The following C4orf50 variants were observed in gnomAD, a reference collection of about 807,000 sequenced individuals.
C4orf50 encodes the protein uncharacterized protein C4orf50.
C4orf50 carries 80 observed loss-of-function variants against 77.2 expected under a neutral mutation model. The observed-to-expected ratio is 1.04, with a 90% confidence interval of 0.87 to 1.25. The LOEUF (loss-of-function observed/expected upper bound fraction) is 1.25. C4orf50 is among the 50% of genes most tolerant of loss of function. C4orf50 has a pLI of 0.00. For missense variants in C4orf50, 1,257 were observed against 1,152.9 expected (o/e 1.09, Z -1.31); for synonymous variants, 532 against 465.3 (o/e 1.14, Z -1.84).
At chr4:5,975,505 GTTTT>G (rs1720223531) in intron 30 of C4orf50, among the ~76,000 whole-genome samples, 1 of 148,850 alleles carries the variant, frequency 6.7e-6, no homozygotes, top group Non-Finnish European at 1.5e-5. Context: ...TTTTTGTTTT[GTTTT>G]GTTTTGTTTT....
intron 7 of C4orf50, chr4:5,902,214 C>T (rs924756428): frequency 6.6e-6 from 1 of 152,208 alleles, no homozygotes. Context: ...GAAAACAGAT[C>T]TCTGCTGGGG....
chr4:5,968,774 C>T (rs1237095749), intron 31 of C4orf50, among the ~76,000 whole-genome samples: 1 of 152,168 alleles, frequency 6.6e-6, no homozygotes, highest in Admixed American at 6.5e-5. Flanking sequence ...GGTGTCTCCT[C>T]ATTAGACAGA....
intron 31 of C4orf50, among the ~76,000 whole-genome samples, chr4:5,973,111 C>G (rs1404215533): frequency 6.6e-6 from 1 of 152,194 alleles, no homozygotes; most frequent in African/African-American, 2.4e-5. Context: ...GGCTCTGGGC[C>G]CATCGGAGAT....
chr4:6,014,249 G>A (rs1031125476), intron 23 of C4orf50, among the ~76,000 whole-genome samples: 1 of 152,072 alleles, frequency 6.6e-6, no homozygotes, highest in East Asian at 1.9e-4. Context: ...TGATCAGCCC[G>A]CCTGGGCCTC....
chr4:5,922,429 G>A (rs767840464), intron 7 of C4orf50, among the ~76,000 whole-genome samples: 5 of 152,190 alleles, frequency 3.3e-5, no homozygotes, highest in Non-Finnish European at 5.9e-5. Flanking sequence ...TCACTGACTT[G>A]GTCCAATTTG....
Position 6,007,924 on chromosome 4 carries a change from G to T in C4orf50, c.963+72C>A. 5.0e-6 allele frequency: 2 copies of T among 399,166 alleles called. No individual in the cohort carries two copies. The highest frequency in any genetic ancestry group is 2.6e-4 in the South Asian group (2 of 7,604). The allele number at this position is 399,166 out of a possible 1,614,324, so 24.7% of individuals were successfully genotyped here. Reference sequence around the variant, plus strand: ...GAGCCCGGGGAATGGATGGGCCAATGACTTCACCAAGTGGCTGGAGGAGAA... The same window carrying T: ...GAGCCCGGGGAATGGATGGGCCAATTACTTCACCAAGTGGCTGGAGGAGAA... On this transcript the variant is annotated intron_variant, in intron 25 of 33. Coordinates refer to ENST00000531445, the Ensembl canonical transcript of C4orf50. This position sits in a 1 kb window ranked among gnomAD's most constrained non-coding sequence, Gnocchi z 4.1.
At chr4:5,993,194 G>T (rs942410368) in intron 26 of C4orf50, among the ~76,000 whole-genome samples, 2 of 152,092 alleles carry the variant, frequency 1.3e-5, no homozygotes, top group African/African-American at 4.8e-5. Flanking sequence ...CTCCTGCACG[G>T]GACAAAATCC....
At chr4:5,984,652 C>A (rs928722174) in intron 28 of C4orf50, among the ~76,000 whole-genome samples, 1 of 151,562 alleles carries the variant, frequency 6.6e-6, no homozygotes, top group Non-Finnish European at 1.5e-5. Context: ...AAAGAGAGGT[C>A]AATAGAAAAT....
intron 30 of C4orf50, 30 bp downstream of exon 8, chr4:5,975,869 C>T: frequency 6.7e-7 from 1 of 1,503,018 alleles, no homozygotes; most frequent in Non-Finnish European, 9.3e-7. Context: ...TTGAAAGAGG[C>T]ATTTCATGTT....
At chr4:5,914,116 A>G (rs982485658) in intron 7 of C4orf50, among the ~76,000 whole-genome samples, 33 of 152,144 alleles carry the variant, frequency 2.2e-4, no homozygotes, top group African/African-American at 8.0e-4. Context: ...ATTGACTATG[A>G]TTATGAATAT....
chr4:6,014,074 C>T (rs187871874), intron 23 of C4orf50, among the ~76,000 whole-genome samples: 12 of 151,130 alleles, frequency 7.9e-5, no homozygotes, highest in Admixed American at 7.9e-4. Context: ...GTGATCTCGG[C>T]TCACCACAAC....
chr4:5,959,645 T>C lies in C4orf50; in HGVS notation c.4276-19A>G. On this transcript the variant is annotated intron_variant, in intron 33 of 33. Transcript: ENST00000531445. ...GAGGGAGCTGCAGGCAAGAGGACAA[T>C]GAAATGGTCTCTGCGTCCACATGTT... The C allele has an allele frequency of 1.2e-6, 2 of 1,602,856 alleles. No individual in the cohort carries two copies. Among genetic ancestry groups the C allele is most frequent in the South Asian group, 1.1e-5 (1 of 90,188 alleles).
chr4:5,959,603 C>A, exon 34 of C4orf50: 3 of 1,613,958 alleles, frequency 1.9e-6, no homozygotes, highest in Non-Finnish European at 1.7e-6. Flanking sequence ...CAGGATCAAG[C>A]GTGGACACCA....
At chr4:5,928,756 C>T (rs913820542) in intron 7 of C4orf50, among the ~76,000 whole-genome samples, 1 of 152,226 alleles carries the variant, frequency 6.6e-6, no homozygotes, top group Admixed American at 6.5e-5. Context: ...TCCAAATGAA[C>T]ATGTCAAACG....
At chr4:6,005,583 C>T (rs1236192080) in intron 25 of C4orf50, among the ~76,000 whole-genome samples, 1 of 152,202 alleles carries the variant, frequency 6.6e-6, no homozygotes, top group Non-Finnish European at 1.5e-5. Flanking sequence ...CTCTTGCTGG[C>T]CATGATACTT....
rs1040150125 is a variant in C4orf50 at position 6,009,644 on chromosome 4, G to A, written c.427-1112C>T. 1.3e-5 allele frequency among the ~76,000 whole-genome samples: 2 copies of A among 152,204 alleles called. No homozygotes were observed. The highest frequency in any genetic ancestry group is 1.9e-4 in the East Asian group (1 of 5,200). On this transcript the variant is annotated intron_variant, in intron 24 of 33. Transcript: ENST00000531445. This position sits in a 1 kb window ranked among gnomAD's most constrained non-coding sequence, Gnocchi z 5.6. ...AATGACCGCAGGTCACTACAGAAAC[G>A]AGGCATCTTCATATGCAAATGCTTA...
rs73212654 is a variant in C4orf50, at chr4:5,992,193, A to G, written c.1221+610T>C. On this transcript the variant is annotated intron_variant, in intron 27 of 33. Coordinates refer to ENST00000531445, the Ensembl canonical transcript of C4orf50. The surrounding 1 kb of genome is among the most constrained non-coding windows in gnomAD (Gnocchi z 5.0). ...ACATCCAACAACAAAAATAAGAGAT[A>G]CATCGTGAGCAGGATGTGAATGAAT... is the stretch of plus-strand genomic sequence containing the variant. Among the ~76,000 whole-genome samples the G allele has an allele frequency of 0.19, 28,302 of 152,206 alleles. 2,813 individuals carry two copies. The highest frequency in any genetic ancestry group is 0.21 in the African/African-American group (8,736 of 41,514).
chr4:5,988,378 T>A, exon 28 of C4orf50: 1 of 1,614,060 alleles, frequency 6.2e-7, no homozygotes. Flanking sequence ...GCTCAGAGCT[T>A]GCCCCTGAGC....
intron 25 of C4orf50, among the ~76,000 whole-genome samples, chr4:6,002,606 G>A (rs1263289039): frequency 6.6e-6 from 1 of 152,124 alleles, no homozygotes; most frequent in East Asian, 1.9e-4. Context: ...GGCTGGCTGG[G>A]GCCCCTCCTG....
Sources: allele counts gnomAD v4.1 joint callset (sites outside exome capture counted in the v4.1 genomes callset), GRCh38; gene constraint gnomAD v4.1.1; non-coding constraint Gnocchi (gnomAD v3.1); transcripts MANE v1.5; gene names NCBI Gene and HGNC (gene_info 2026-07-23, HGNC 2026-07-21).